ATE1: variants seen among roughly 807,000 people sequenced by gnomAD.
ATE1 encodes arginyltransferase 1.
In ATE1, 36 loss-of-function variants were observed where a neutral mutation model predicts 70.5. The observed-to-expected ratio is 0.51, with a 90% CI of 0.39 to 0.67. The LOEUF (loss-of-function observed/expected upper bound fraction) is 0.67. Among genes scored for constraint, ATE1 ranks in the 30% least tolerant of loss-of-function variants. The pLI is 0.00. For missense variants in ATE1, 593 were observed against 629.5 expected (o/e 0.94, Z 0.62); for synonymous variants, 232 against 219.3 (o/e 1.06, Z -0.51).
At chr10:121,895,781 T>G (rs557274160) in intron 7 of ATE1, among the ~76,000 whole-genome samples, 62 of 152,206 alleles carry the variant, frequency 4.1e-4, no homozygotes, top group African/African-American at 1.4e-3. Context: ...AAATTAGACG[T>G]GGTGGCACAT....
chr10:121,866,032 A>T (rs1388484945), intron 8 of ATE1, among the ~76,000 whole-genome samples: 1 of 152,232 alleles, frequency 6.6e-6, no homozygotes, highest in African/African-American at 2.4e-5. Flanking sequence ...TTCAAAATTA[A>T]AGAAGGTGCT....
intron 10 of ATE1, among the ~76,000 whole-genome samples, chr10:121,807,574 C>G (rs1947147195): frequency 1.3e-5 from 2 of 152,150 alleles, no homozygotes; most frequent in Non-Finnish European, 2.9e-5. Flanking sequence ...CTATAATGCA[C>G]TAGATGATGC....
At chr10:121,865,227 A>G (rs1193802271) in intron 8 of ATE1, among the ~76,000 whole-genome samples, 1 of 152,200 alleles carries the variant, frequency 6.6e-6, no homozygotes, top group Non-Finnish European at 1.5e-5. Flanking sequence ...GGGAAGTGGA[A>G]AGCACAGTAC....
chr10:121,830,562 G>A (rs943473633), intron 10 of ATE1, among the ~76,000 whole-genome samples: 8 of 152,222 alleles, frequency 5.3e-5, no homozygotes, highest in Admixed American at 2.6e-4. Flanking sequence ...CAGGTATCCT[G>A]TTATATAAAT....
chr10:121,904,147 T>C (rs1030743132), intron 5 of ATE1, among the ~76,000 whole-genome samples: 1 of 151,566 alleles, frequency 6.6e-6, no homozygotes, highest in Non-Finnish European at 1.5e-5. Context: ...CATGCCTGGC[T>C]AATTTTTTGT....
chr10:121,879,559 G>T (rs1950165499), intron 7 of ATE1, among the ~76,000 whole-genome samples: 1 of 152,316 alleles, frequency 6.6e-6, no homozygotes, highest in South Asian at 2.1e-4. Flanking sequence ...CTACTTAAAT[G>T]TCTACATGCA....
At chr10:121,902,773 T>G (rs1398699124) in intron 5 of ATE1, among the ~76,000 whole-genome samples, 153 bp from the exon 6 acceptor site, 1 of 152,220 alleles carries the variant, frequency 6.6e-6, no homozygotes, top group Non-Finnish European at 1.5e-5. Context: ...TACAGAGCTG[T>G]AAGTGGATCT....
intron 11 of ATE1, among the ~76,000 whole-genome samples, chr10:121,745,732 AAAC>A (rs1422130074): frequency 5.0e-5 from 3 of 60,080 alleles, no homozygotes; most frequent in African/African-American, 1.0e-4. Context: ...GTCTCAAAAC[AAAC>A]AAAAAAAAGA....
chr10:121,893,358 G>A (rs11200228), intron 7 of ATE1, among the ~76,000 whole-genome samples: 20,032 of 151,278 alleles, frequency 0.13, 1,524 homozygotes, highest in East Asian at 0.19. Context: ...GAAAATTAAT[G>A]TATTTGACAG....
At chr10:121,765,399 C>T (rs1331313231) in intron 11 of ATE1, among the ~76,000 whole-genome samples, 1 of 152,228 alleles carries the variant, frequency 6.6e-6, no homozygotes, top group African/African-American at 2.4e-5. Context: ...CCAGCCCTGG[C>T]TACATATTCA....
chr10:121,928,163 C>T, upstream of ATE1: 1 of 1,279,294 alleles, frequency 7.8e-7, no homozygotes, highest in Non-Finnish European at 9.9e-7. Flanking sequence ...TCCGTTCCTT[C>T]TCCATAAGGG....
At chr10:121,838,655 ATTAAG>A (rs1948518521) in intron 9 of ATE1, among the ~76,000 whole-genome samples, 1 of 152,196 alleles carries the variant, frequency 6.6e-6, no homozygotes, top group South Asian at 2.1e-4. Context: ...AGTATCTGAA[ATTAAG>A]TTGTCTGTTT....
At chr10:121,909,596 G>C (rs910744841) in intron 5 of ATE1, among the ~76,000 whole-genome samples, 3 of 152,130 alleles carry the variant, frequency 2.0e-5, no homozygotes, top group Non-Finnish European at 2.9e-5. Context: ...AGAGTACATG[G>C]AAGTCGATTA....
intron 8 of ATE1, among the ~76,000 whole-genome samples, chr10:121,848,005 A>G (rs1281291563): frequency 1.3e-5 from 2 of 151,982 alleles, no homozygotes; most frequent in Non-Finnish European, 2.9e-5. Context: ...TGGGAGGCGG[A>G]GGTTGCAGTG....
intron 11 of ATE1, among the ~76,000 whole-genome samples, chr10:121,749,338 G>A (rs1359937413): frequency 6.6e-6 from 1 of 152,052 alleles, no homozygotes; most frequent in Non-Finnish European, 1.5e-5. Context: ...TAACATACAA[G>A]CAAATAAAAA....
chr10:121,877,133 AT>A (rs1950080279), intron 7 of ATE1, among the ~76,000 whole-genome samples: 2 of 152,198 alleles, frequency 1.3e-5, no homozygotes, highest in African/African-American at 4.8e-5. Context: ...TTCTGTACTG[AT>A]TTCAGAATCC....
At chr10:121,858,989 G>C (rs951845596) in intron 8 of ATE1, among the ~76,000 whole-genome samples, 34 of 151,730 alleles carry the variant, frequency 2.2e-4, no homozygotes, top group Non-Finnish European at 4.3e-4. Flanking sequence ...CAGCTACTCA[G>C]GAGGCTGAGG....
intron 8 of ATE1, among the ~76,000 whole-genome samples, chr10:121,867,556 T>C (rs1949705634): frequency 6.6e-6 from 1 of 152,152 alleles, no homozygotes; most frequent in Admixed American, 6.5e-5. Context: ...AGACTCCCGT[T>C]GTACACCTGT....
chr10:121,903,050 G>A (rs1400869804), intron 5 of ATE1, among the ~76,000 whole-genome samples: 2 of 105,854 alleles, frequency 1.9e-5, no homozygotes, highest in Non-Finnish European at 4.6e-5. Flanking sequence ...ATTTTCAGTA[G>A]AGATGGAGTT....
Sources: allele counts gnomAD v4.1 joint callset (sites outside exome capture counted in the v4.1 genomes callset), GRCh38; gene constraint gnomAD v4.1.1; transcripts MANE v1.5; gene names NCBI Gene and HGNC (gene_info 2026-07-23, HGNC 2026-07-21).